CLVS1: variants seen among roughly 807,000 people sequenced by gnomAD.
CLVS1 encodes the protein clavesin-1.
Under a neutral mutation model 33.1 loss-of-function variants are expected in CLVS1, and 10 were observed. The ratio of observed to expected loss-of-function variants is 0.30; its 90% confidence interval spans 0.19 to 0.51. CLVS1 has a LOEUF of 0.51. Ranked by LOEUF, CLVS1 falls within the 20% of genes least tolerant of loss-of-function variation. The probability of loss-of-function intolerance (pLI) is 0.97; values close to 1 mark genes in which losing one functional copy is unlikely to be tolerated. For missense variants in CLVS1, 343 were observed against 433.4 expected, an observed-to-expected ratio of 0.79 and a Z score of 1.85; for synonymous variants, 163 against 166.1, an observed-to-expected ratio of 0.98 and a Z score of 0.14.
At chr8:61,257,265 T>C (rs901939036) in intron 2 of CLVS1, among the ~76,000 whole-genome samples, 5 of 152,228 alleles carry the variant, frequency 3.3e-5, no homozygotes, top group African/African-American at 1.2e-4. Flanking sequence ...ATAAAATCCC[T>C]TTTGCTGTTC....
intron 1 of CLVS1, among the ~76,000 whole-genome samples, chr8:61,063,757 A>G (rs914519243): frequency 2.6e-5 from 4 of 152,216 alleles, no homozygotes; most frequent in Non-Finnish European, 4.4e-5. Context: ...CATTTTAACC[A>G]TTTGAAGTCT....
chr8:61,122,569 A>AACACACACACACACAC (rs4033855), intron 1 of CLVS1, among the ~76,000 whole-genome samples: 180 of 144,640 alleles, frequency 1.2e-3, no homozygotes, highest in South Asian at 3.3e-3. Flanking sequence ...ATATTAAGAA[A>AACACACACACACACAC]ACACACACAC....
chr8:61,216,778 A>G (rs1166374649), intron 2 of CLVS1, among the ~76,000 whole-genome samples: 1 of 152,194 alleles, frequency 6.6e-6, no homozygotes, highest in Non-Finnish European at 1.5e-5. Context: ...GCTAAACATT[A>G]GTTTGGATCC....
intron 5 of CLVS1, chr8:61,465,104 CT>C (rs1241426046): frequency 6.6e-6 from 1 of 152,438 alleles, no homozygotes; most frequent in Non-Finnish European, 1.5e-5. Flanking sequence ...AGCGTGTTCC[CT>C]GTGGTGTGGC....
chr8:61,377,125 G>A (rs1452817478), intron 3 of CLVS1: 6 of 182,492 alleles, frequency 3.3e-5, no homozygotes, highest in Non-Finnish European at 4.5e-5. Flanking sequence ...GGGGTGGCAT[G>A]GGGCTTTCAG....
At chr8:61,145,992 T>G (rs1249784166) in intron 2 of CLVS1, among the ~76,000 whole-genome samples, 2 of 152,248 alleles carry the variant, frequency 1.3e-5, no homozygotes, top group Admixed American at 6.5e-5. Context: ...AGTTTCCTTC[T>G]ATCCCAGCAT....
chr8:61,061,530 A>C (rs1014473409), intron 1 of CLVS1, among the ~76,000 whole-genome samples: 1 of 152,114 alleles, frequency 6.6e-6, no homozygotes, highest in African/African-American at 2.4e-5. Flanking sequence ...GTTTGAAAAG[A>C]AAATGTGACA....
At chr8:61,221,720 C>T (rs1198555123) in intron 2 of CLVS1, among the ~76,000 whole-genome samples, 5 of 152,108 alleles carry the variant, frequency 3.3e-5, no homozygotes, top group South Asian at 2.1e-4. Context: ...TGGAGGAGTC[C>T]CTGCTTTTCA....
chr8:61,455,979 T>G (rs1817141695), intron 4 of CLVS1, among the ~76,000 whole-genome samples: 1 of 152,196 alleles, frequency 6.6e-6, no homozygotes. Context: ...ACAGAAATGT[T>G]TTAAAACCCA....
intron 3 of CLVS1, among the ~76,000 whole-genome samples, chr8:61,411,999 C>T (rs1345964589): frequency 6.6e-6 from 1 of 152,198 alleles, no homozygotes; most frequent in Non-Finnish European, 1.5e-5. Flanking sequence ...GCCCAAGGGG[C>T]AGGGAAGCCT....
intron 2 of CLVS1, among the ~76,000 whole-genome samples, chr8:61,306,413 T>A (rs1431262216): frequency 3.9e-5 from 6 of 152,248 alleles, no homozygotes; most frequent in African/African-American, 1.4e-4. Flanking sequence ...TTTGTTTAAG[T>A]TCCTTACAGA....
chr8:61,443,872 T>C (rs1816659499), intron 3 of CLVS1, among the ~76,000 whole-genome samples: 2 of 152,138 alleles, frequency 1.3e-5, no homozygotes, highest in African/African-American at 4.8e-5. Context: ...TACAAACATA[T>C]GTCTTCCATT....
intron 2 of CLVS1, among the ~76,000 whole-genome samples, chr8:61,357,978 G>A (rs1188071845): frequency 6.6e-6 from 1 of 152,282 alleles, no homozygotes; most frequent in East Asian, 1.9e-4. Flanking sequence ...TCTTGACTCT[G>A]ATATTTATTA....
At chr8:61,142,196 C>T (rs1186124594) in intron 2 of CLVS1, among the ~76,000 whole-genome samples, 3 of 152,110 alleles carry the variant, frequency 2.0e-5, no homozygotes, top group African/African-American at 7.2e-5. Context: ...TGGTTTCCCC[C>T]ATGCTGTTCT....
chr8:61,218,630 T>C (rs1387285611), intron 2 of CLVS1, among the ~76,000 whole-genome samples: 1 of 110,400 alleles, frequency 9.1e-6, no homozygotes, highest in Non-Finnish European at 1.7e-5. Context: ...AATTATTATA[T>C]GTCAATAAAA....
At chr8:61,060,024 G>A (rs754757186) in intron 1 of CLVS1, among the ~76,000 whole-genome samples, 43 of 152,084 alleles carry the variant, frequency 2.8e-4, no homozygotes, top group Non-Finnish European at 5.6e-4. Context: ...TGCTGGTGAG[G>A]ACAGTGCCCT....
intron 1 of CLVS1, among the ~76,000 whole-genome samples, chr8:61,114,996 G>T (rs1273397024): frequency 6.6e-6 from 1 of 152,226 alleles, no homozygotes; most frequent in African/African-American, 2.4e-5. Flanking sequence ...ATCACTGAAG[G>T]TGCATAGAAG....
the CLVS1 span, among the ~76,000 whole-genome samples, chr8:61,002,153 A>T: frequency 6.8e-6 from 1 of 146,882 alleles, no homozygotes; most frequent in Non-Finnish European, 1.5e-5. Flanking sequence ...TAATTTTTGT[A>T]TTTTTTTTTG....
intron 1 of CLVS1, among the ~76,000 whole-genome samples, chr8:61,296,045 C>T (rs146969311): frequency 1.7e-3 from 255 of 152,222 alleles, no homozygotes; most frequent in Non-Finnish European, 3.1e-3. Flanking sequence ...TTTATGTGAA[C>T]AAAAGATTAT....
Sources: gnomAD v4.1 joint callset for allele counts (sites outside exome capture counted in the v4.1 genomes callset) on GRCh38, gnomAD v4.1.1 for gene constraint, MANE v1.5 for transcripts, NCBI Gene and HGNC (gene_info 2026-07-23, HGNC 2026-07-21) for gene names.